TAB3: variants seen among roughly 807,000 people sequenced by gnomAD.
TAB3 encodes TGF-beta-activated kinase 1 and MAP3K7-binding protein 3.
A neutral mutation model predicts 48.1 loss-of-function variants in TAB3; 18 were observed. The ratio of observed to expected loss-of-function variants is 0.37; its 90% CI spans 0.26 to 0.55. The LOEUF (loss-of-function observed/expected upper bound fraction) is 0.55, where lower values mean the gene tolerates loss of function less well. Ranked by LOEUF, TAB3 falls within the 20% of genes least tolerant of loss-of-function variation. TAB3 has a pLI of 0.78. For synonymous variants in TAB3, 185 were observed against 190.2 expected (o/e 0.97, Z 0.22); for missense variants, 414 against 549.8 (o/e 0.75, Z 2.47).
chrX:30,883,026 T>C (rs956824685), intron 1 of TAB3, among the ~76,000 whole-genome samples: 7 of 112,160 alleles, frequency 6.2e-5, no homozygotes, highest in African/African-American at 2.3e-4. Context: ...TAAATGCCCA[T>C]AGTCAATATC....
chrX:30,851,379 C>T (rs16989199), intron 7 of TAB3, among the ~76,000 whole-genome samples: 33,261 of 110,525 alleles, frequency 0.3, 4,161 homozygotes, highest in African/African-American at 0.46. Flanking sequence ...TGCCAGGGAA[C>T]TGTAGTTACT....
chrX:30,854,234 A>G lies in TAB3; in HGVS notation c.1431T>C (p.Ser477=). The change falls in exon 6 of 11, where the codon TCT becomes TCC. Residue 477 remains serine, a synonymous_variant. Coordinates refer to ENST00000288422, the MANE Select transcript of TAB3 (RefSeq NM_152787.5). ...LLNLVDQEER[S]AAPEPIQPIS... ...TGGGCTGAATAGGTTCTGGTGCTGC[A>G]GAGCGCTCTTCTTGGTCCACTAAAT... 8.3e-7 allele frequency: 1 copy of G among 1,211,645 alleles called. No homozygotes were observed. The highest frequency in any genetic ancestry group is 1.1e-6 in the Non-Finnish European group (1 of 895,531).
intron 8 of TAB3, 91 bp downstream of exon 8, chrX:30,846,460 T>C (rs569886798): frequency 1.6e-6 from 1 of 617,559 alleles, no homozygotes; most frequent in South Asian, 3.5e-5. Context: ...AAAAACTGTC[T>C]CTTAAATCTA....
chrX:30,850,475 G>A (rs1353490109), intron 7 of TAB3, among the ~76,000 whole-genome samples: 1 of 111,052 alleles, frequency 9.0e-6, no homozygotes, highest in Non-Finnish European at 1.9e-5. Context: ...CACTTTGGGA[G>A]GCCGAGGCGG....
At chrX:30,845,427 G>A (rs1393671066) in intron 8 of TAB3, 1 of 112,105 alleles carries the variant, frequency 8.9e-6, no homozygotes, top group Non-Finnish European at 1.9e-5. Context: ...CTACAGCAGA[G>A]GTTGGCAAAC....
intron 8 of TAB3, chrX:30,844,216 T>A (rs1455569515): frequency 8.9e-6 from 1 of 111,884 alleles, no homozygotes; most frequent in Non-Finnish European, 1.9e-5. Context: ...ACATTTAGAT[T>A]CGTTATGAAA....
At chrX:30,834,406 A>G (rs942926042) in intron 9 of TAB3, among the ~76,000 whole-genome samples, 3 of 112,119 alleles carry the variant, frequency 2.7e-5, no homozygotes, top group African/African-American at 9.7e-5. Flanking sequence ...CAAATGCCCT[A>G]TTTCACTGTT....
At chrX:30,885,416 TACTCCTG>T (rs1392815028) in intron 1 of TAB3, among the ~76,000 whole-genome samples, 3 of 112,082 alleles carry the variant, frequency 2.7e-5, no homozygotes, top group Non-Finnish European at 5.6e-5. Context: ...TAACAGCAAC[TACTCCTG>T]ACCCATTTAG....
chrX:30,883,279 A>C (rs1301206421), intron 1 of TAB3, among the ~76,000 whole-genome samples: 3 of 111,785 alleles, frequency 2.7e-5, no homozygotes, highest in Non-Finnish European at 5.6e-5. Context: ...TATTCTAGAG[A>C]TCCTAGACCA....
intron 2 of TAB3, among the ~76,000 whole-genome samples, chrX:30,868,402 T>TATATATATA: frequency 3.8e-5 from 1 of 26,486 alleles, no homozygotes; most frequent in Non-Finnish European, 5.8e-5. Context: ...TATATATATA[T>TATATATATA]AGCTTATATA....
At chrX:30,839,844 T>C (rs1188654588) in intron 9 of TAB3, among the ~76,000 whole-genome samples, 1 of 106,577 alleles carries the variant, frequency 9.4e-6, no homozygotes, top group Non-Finnish European at 1.9e-5. Flanking sequence ...AGTGAATCTA[T>C]CTGGATCTGG....
At chrX:30,883,804 G>A (rs193173160) in intron 1 of TAB3, among the ~76,000 whole-genome samples, 1 of 111,412 alleles carries the variant, frequency 9.0e-6, no homozygotes, top group African/African-American at 3.3e-5. Flanking sequence ...ATGTTGGGCT[G>A]GCTTGGGAAT....
chrX:30,854,787 T>C lies in TAB3; in HGVS notation c.878A>G (p.His293Arg). 1 of 1,210,508 alleles carries C rather than the reference T, an allele frequency of 8.3e-7. No individual in the cohort carries two copies. Among genetic ancestry groups the C allele is most frequent in the Non-Finnish European group, 1.1e-6 (1 of 895,091 alleles). ...KQQQIPQSAY[H>R]SPPPSQCPSP... ...AGGACATTGAGAAGGAGGTGGTGAA[T>C]GGTAAGCAGACTGAGGGATCTGCTG... Residue 293 changes from histidine to arginine, a missense_variant, in exon 6 of 11, where the codon CAT becomes CGT. Coordinates refer to ENST00000288422, the MANE Select transcript of TAB3 (RefSeq NM_152787.5).
At chrX:30,871,615 G>T (rs1195772868) in intron 2 of TAB3, 84 bp downstream of exon 2, 4 of 111,647 alleles carry the variant, frequency 3.6e-5, no homozygotes, top group Non-Finnish European at 5.6e-5. Context: ...GTGCACAAAG[G>T]ACACAGAATA....
chrX:30,861,984 GC>G (rs1445496619), intron 4 of TAB3, among the ~76,000 whole-genome samples: 3 of 111,718 alleles, frequency 2.7e-5, no homozygotes, highest in African/African-American at 9.8e-5. Context: ...GTAGTTAGTG[GC>G]TACTTTACTG....
rs138528610 is a variant in TAB3, at chrX:30,847,950, T to C, written c.1711-1306A>G. Among the ~76,000 whole-genome samples the C allele has an allele frequency of 6.0e-3, 672 of 112,470 alleles. 3 individuals carry two copies. Among genetic ancestry groups the C allele is most frequent in the African/African-American group, 0.02 (625 of 30,981 alleles). On this transcript the variant is annotated intron_variant, in intron 7 of 10. Transcript: ENST00000288422. Reference sequence around the variant, plus strand: ...TTCTAATTCCTATGGGCTAAAACTATGTGACATTAATGTGTAAAATGCTTT... The same window carrying C: ...TTCTAATTCCTATGGGCTAAAACTACGTGACATTAATGTGTAAAATGCTTT...
chrX:30,850,767 A>G (rs1248729691), intron 7 of TAB3, among the ~76,000 whole-genome samples: 1 of 103,636 alleles, frequency 9.6e-6, no homozygotes, highest in South Asian at 4.1e-4. Context: ...GCTCTGATAT[A>G]AAATCTGGGG....
chrX:30,852,894 G>T lies in TAB3; in HGVS notation c.1594C>A (p.Gln532Lys), dbSNP rs779855546. ...AGCTCCTCTTTCTCAAGTTTCAGTT[G>T]CTTTGCTAACCTCTCCATCCTTGCT... ...QRARMERLAK[Q>K]LKLEKEELER... The change falls in exon 7 of 11, where the codon CAA (glutamine) becomes AAA (lysine). Residue 532 changes from glutamine (Q) to lysine (K), a missense_variant. Physicochemically the swap from Gln to Lys is moderately conservative, Grantham distance 53. Coordinates refer to ENST00000288422, the MANE Select transcript of TAB3 (RefSeq NM_152787.5). The T allele has an allele frequency of 8.3e-7, 1 of 1,211,368 alleles. No homozygotes were observed. The highest frequency in any genetic ancestry group is 3.0e-5 in the East Asian group (1 of 33,858).
intron 1 of TAB3, among the ~76,000 whole-genome samples, chrX:30,887,929 T>C (rs139699892): frequency 0.015 from 1,705 of 111,998 alleles, 10 homozygotes; most frequent in Non-Finnish European, 0.023. Flanking sequence ...GTCCCTACGG[T>C]TGTAAAGATT....
Sources: allele counts gnomAD v4.1 joint callset (sites outside exome capture counted in the v4.1 genomes callset), GRCh38; gene constraint gnomAD v4.1.1; transcripts MANE v1.5; gene names NCBI Gene and HGNC (gene_info 2026-07-23, HGNC 2026-07-21).